MSRB3: variants seen among roughly 807,000 people sequenced by gnomAD.
MSRB3 encodes methionine sulfoxide reductase B3.
A neutral mutation model predicts 21.0 loss-of-function variants in MSRB3; 13 were observed. That is an observed-to-expected ratio of 0.62 (90% CI 0.40 to 0.98). The LOEUF (loss-of-function observed/expected upper bound fraction) is 0.98, where lower values mean the gene tolerates loss of function less well. Ranked by LOEUF, MSRB3 falls within the 50% of genes least tolerant of loss-of-function variation. MSRB3 has a pLI of 0.00. For missense variants in MSRB3, 199 were observed against 230.3 expected, an observed-to-expected ratio of 0.86 and a Z score of 0.88; for synonymous variants, 87 against 88.6, an observed-to-expected ratio of 0.98 and a Z score of 0.10.
intron 2 of MSRB3, among the ~76,000 whole-genome samples, chr12:65,318,434 G>C (rs1874445254): frequency 6.6e-6 from 1 of 152,246 alleles, no homozygotes; most frequent in East Asian, 1.9e-4. Flanking sequence ...GGATGAGAGA[G>C]CGAGCTATTT....
chr12:65,304,889 T>G (rs989952920), intron 1 of MSRB3, among the ~76,000 whole-genome samples: 4 of 152,184 alleles, frequency 2.6e-5, no homozygotes, highest in African/African-American at 9.7e-5. Flanking sequence ...TTTTGAAGTT[T>G]TGGTAGATTA....
rs1328913825 is a variant in MSRB3 at position 65,278,753 on chromosome 12, G to A, written c.-164G>A. Reference sequence around the variant, plus strand: ...GAGCGAGGTTCGGACACCGGCGGCGGCTGCCTGGCCTTTCCATGAGCCCGC... The same window carrying A: ...GAGCGAGGTTCGGACACCGGCGGCGACTGCCTGGCCTTTCCATGAGCCCGC... On this transcript the variant is annotated 5_prime_UTR_variant, in exon 1 of 7. Transcript: ENST00000308259. 6 of 1,573,436 alleles carry A rather than the reference G, an allele frequency of 3.8e-6. No individual in the cohort carries two copies. Among genetic ancestry groups the A allele is most frequent in the East Asian group, 2.3e-5 (1 of 42,776 alleles).
chr12:65,327,266 G>A lies in MSRB3; in HGVS notation c.185+332G>A, dbSNP rs566819848. Among the ~76,000 whole-genome samples the A allele has an allele frequency of 1.8e-4, 27 of 152,340 alleles. No homozygotes were observed. The South Asian group carries it at 5.2e-3, about 29-fold the overall frequency. On this transcript the variant is annotated intron_variant, in intron 3 of 6. Transcript: ENST00000308259. The stretch of plus-strand genomic sequence containing the variant: ...ACATCACAGTAAGCAAAACCATGAG[G>A]GACTTGGCACTATGCCAGGATGCTG...
chr12:65,369,125 A>C, intron 5 of MSRB3, 99 bp downstream of exon 5: 1 of 914,594 alleles, frequency 1.1e-6, no homozygotes, highest in Non-Finnish European at 1.8e-6. Flanking sequence ...TTTTAAACAG[A>C]CTAGGCGGTT....
At chr12:65,420,578 T>TA (rs1262852918) in intron 5 of MSRB3, among the ~76,000 whole-genome samples, 1 of 152,070 alleles carries the variant, frequency 6.6e-6, no homozygotes, top group African/African-American at 2.4e-5. Context: ...GTCACCCAGG[T>TA]ACTAAGCCTA....
At chr12:65,416,368 A>G (rs1247428682) in intron 5 of MSRB3, among the ~76,000 whole-genome samples, 1 of 152,196 alleles carries the variant, frequency 6.6e-6, no homozygotes, top group African/African-American at 2.4e-5. Flanking sequence ...ACACCTATCC[A>G]TTAGGTACTG....
intron 4 of MSRB3, among the ~76,000 whole-genome samples, chr12:65,356,457 CT>C (rs1475951494): frequency 1.3e-5 from 2 of 151,508 alleles, no homozygotes; most frequent in African/African-American, 4.8e-5. Flanking sequence ...TGTGAGGGGA[CT>C]TTTTTAAAAA....
intron 4 of MSRB3, among the ~76,000 whole-genome samples, chr12:65,335,724 G>A (rs1405898657): frequency 6.6e-6 from 1 of 152,040 alleles, no homozygotes; most frequent in Admixed American, 6.6e-5. Context: ...CTCTCCTTAC[G>A]ATATTTAACA....
At chr12:65,418,587 C>G (rs1467998991) in intron 5 of MSRB3, 3 of 563,178 alleles carry the variant, frequency 5.3e-6, no homozygotes, top group Non-Finnish European at 6.3e-6. Context: ...TGGAGCTTTT[C>G]CCTGTTTTGT....
intron 1 of MSRB3, among the ~76,000 whole-genome samples, chr12:65,287,509 T>C (rs1196443459): frequency 6.6e-6 from 1 of 152,198 alleles, no homozygotes; most frequent in Non-Finnish European, 1.5e-5. Context: ...GGGCCTATTA[T>C]AGGTGAATAC....
chr12:65,402,015 C>G (rs1880153982), intron 5 of MSRB3, among the ~76,000 whole-genome samples: 1 of 152,138 alleles, frequency 6.6e-6, no homozygotes, highest in African/African-American at 2.4e-5. Flanking sequence ...TGTGAGTAAC[C>G]TGACCTTTCT....
At chr12:65,457,277 TTG>T in intron 6 of MSRB3, among the ~76,000 whole-genome samples, 1 of 152,156 alleles carries the variant, frequency 6.6e-6, no homozygotes, top group Admixed American at 6.5e-5. Flanking sequence ...ACGTGCAGGT[TTG>T]TTACATAGGT....
rs1481903981 is a variant in MSRB3, at chr12:65,465,978, C to T, written c.*2656C>T. ...CTGCTCCAGCTCTGTAGGATAGCCT[C>T]CCCTGGGGTCCGTGGGACGCGGGCC... On this transcript the variant is annotated 3_prime_UTR_variant, in exon 7 of 7. Coordinates refer to ENST00000308259, the MANE Select transcript of MSRB3 (RefSeq NM_001031679.3). 6.6e-6 allele frequency: 1 copy of T among 152,162 alleles called. No homozygotes were observed. Among genetic ancestry groups the T allele is most frequent in the Non-Finnish European group, 1.5e-5 (1 of 68,054 alleles). 9.4% of individuals were successfully genotyped at this position (152,162 alleles called of 1,614,324 possible).
intron 1 of MSRB3, among the ~76,000 whole-genome samples, chr12:65,299,016 C>G (rs1200088852): frequency 1.3e-5 from 2 of 152,070 alleles, no homozygotes; most frequent in Non-Finnish European, 2.9e-5. Context: ...TATAAAAAAC[C>G]TGCACATGGC....
intron 2 of MSRB3, among the ~76,000 whole-genome samples, chr12:65,312,468 A>G (rs2136428533): frequency 6.6e-6 from 1 of 152,216 alleles, no homozygotes; most frequent in Admixed American, 6.5e-5. Context: ...ACTAGATATC[A>G]TGATAGCTTT....
intron 6 of MSRB3, among the ~76,000 whole-genome samples, chr12:65,462,612 CTG>C (rs1883379993): frequency 6.6e-6 from 1 of 152,200 alleles, no homozygotes; most frequent in East Asian, 1.9e-4. Flanking sequence ...GCCCTGGTGA[CTG>C]TGACATAAAT....
In MSRB3 at chr12:65,465,466, A is replaced by G. The variant is rs1206627328; in HGVS notation, c.*2144A>G. ...AGAAAGAGGGACATTTGACAATTTT[A>G]AAGAAACAACAAGAAATTAGAATGA... is the stretch of plus-strand genomic sequence containing the variant. On this transcript the variant is annotated 3_prime_UTR_variant, in exon 7 of 7. Coordinates refer to ENST00000308259, the MANE Select transcript of MSRB3 (RefSeq NM_001031679.3). The G allele has an allele frequency of 1.3e-5, 2 of 152,224 alleles. No individual in the cohort carries two copies. The highest frequency in any genetic ancestry group is 2.9e-5 in the Non-Finnish European group (2 of 68,042). The allele number at this position is 152,224 out of a possible 1,614,324, so 9.4% of individuals were successfully genotyped here.
chr12:65,404,667 A>C (rs887805017), intron 5 of MSRB3, among the ~76,000 whole-genome samples: 1 of 152,180 alleles, frequency 6.6e-6, no homozygotes. Context: ...TTTTTGTTCT[A>C]TGTGGTGTAT....
intron 4 of MSRB3, among the ~76,000 whole-genome samples, chr12:65,358,190 T>C (rs1309082380): frequency 2.6e-5 from 4 of 151,934 alleles, no homozygotes; most frequent in Non-Finnish European, 5.9e-5. Context: ...TGATCATAGC[T>C]CACTGCAGCC....
Sources: gnomAD v4.1 joint callset for allele counts (sites outside exome capture counted in the v4.1 genomes callset) on GRCh38, gnomAD v4.1.1 for gene constraint, MANE v1.5 for transcripts, NCBI Gene and HGNC (gene_info 2026-07-23, HGNC 2026-07-21) for gene names.